TRA2A: variants seen among roughly 807,000 people sequenced by gnomAD.
TRA2A encodes transformer 2 alpha homolog.
A neutral mutation model predicts 45.7 loss-of-function variants in TRA2A; 31 were observed. That is an observed-to-expected ratio of 0.68 (90% CI 0.51 to 0.92). TRA2A has a LOEUF of 0.92. Among genes scored for constraint, TRA2A ranks in the 40% least tolerant of loss-of-function variants. TRA2A has a pLI of 0.00. For synonymous variants in TRA2A, 132 were observed against 126.2 expected (o/e 1.05, Z -0.31); for missense variants, 304 against 367.5 (o/e 0.83, Z 1.41).
chr7:23,516,195 C>G (rs10259241), intron 3 of TRA2A, among the ~76,000 whole-genome samples, 168 bp downstream of exon 3: 8 of 152,054 alleles, frequency 5.3e-5, no homozygotes, highest in Non-Finnish European at 1.2e-4. Flanking sequence ...GGTAAGCTTA[C>G]GAAAGATGGT....
In TRA2A at chr7:23,505,500, T is replaced by TA. The variant is rs777556731; in HGVS notation, c.*58dup. 24,075 of 346,932 alleles carry TA rather than the reference T, an allele frequency of 0.069. 63 individuals carry two copies. Among genetic ancestry groups the TA allele is most frequent in the African/African-American group, 0.1 (1,946 of 18,572 alleles). 21.5% of individuals were successfully genotyped at this position (346,932 alleles called of 1,614,324 possible). ...CCACAGCTTGGGGAAATCTCAGAAT[T>TA]AAAAAAAAAAAAAAAAAAAAGAGGA... On this transcript the variant is annotated 3_prime_UTR_variant, in exon 8 of 8. Coordinates refer to ENST00000297071, the MANE Select transcript of TRA2A (RefSeq NM_013293.5).
rs10238910 is a variant in TRA2A, at chr7:23,511,411, G to T, written c.525+1483C>A. The stretch of plus-strand genomic sequence containing the variant: ...AAAAAAAAAAAAAAAAAAAAAAAAA[G>T]AAAAGAAAAGAAAAGAAAAACACCC... On this transcript the variant is annotated intron_variant, in intron 4 of 7. Coordinates refer to ENST00000297071, the MANE Select transcript of TRA2A (RefSeq NM_013293.5). 6.3e-3 allele frequency among the ~76,000 whole-genome samples: 243 copies of T among 38,600 alleles called. 4 individuals are homozygous for T. Among genetic ancestry groups the T allele is most frequent in the South Asian group, 0.03 (32 of 1,074 alleles). The allele number at this position is 38,600 out of a possible 152,430, so 25.3% of individuals were successfully genotyped here. A position where few individuals can be genotyped will look rare whatever the true frequency, so the allele number is the denominator to read the frequency against.
intron 1 of TRA2A, chr7:23,522,369 TTTTATCTTGA>T: frequency 7.9e-7 from 1 of 1,268,526 alleles, no homozygotes; most frequent in Non-Finnish European, 1.0e-6. Flanking sequence ...ATTAGCCTTC[TTTTATCTTGA>T]TTTATCTTCC....
Position 23,511,382 on chromosome 7 carries a change from AAAAAAAAAAAAAAAAAAAAAAAAAAAAAG to A in TRA2A, c.525+1483_525+1511del, listed in dbSNP as rs1204979378. 1.7e-3 allele frequency among the ~76,000 whole-genome samples: 49 copies of A among 28,954 alleles called. 1 individual carries two copies. The highest frequency in any genetic ancestry group is 0.011 in the African/African-American group (42 of 3,780). The allele number at this position is 28,954 out of a possible 152,430, so 19.0% of individuals were successfully genotyped here. On this transcript the variant is annotated intron_variant, in intron 4 of 7. Coordinates refer to ENST00000297071, the MANE Select transcript of TRA2A (RefSeq NM_013293.5). Reference sequence around the variant, plus strand: ...CGAGACTCCATCTCAAAAAAAAAAAAAAAAAAAAAAAAAAAAAAAAAAAAAAAAGAAAAGAAAAGAAAAGAAAAACACCC... The same window carrying A: ...CGAGACTCCATCTCAAAAAAAAAAAAAAAAGAAAAGAAAAGAAAAACACCC...
chr7:23,512,173 C>T (rs555675041), intron 4 of TRA2A, among the ~76,000 whole-genome samples: 1 of 152,190 alleles, frequency 6.6e-6, no homozygotes, highest in African/African-American at 2.4e-5. Flanking sequence ...ATTGTTAACA[C>T]TGAGAGGCAG....
rs1442322388 is a variant in TRA2A at position 23,505,236 on chromosome 7, G to C, written c.*323C>G. 1 of 273,580 alleles carries C rather than the reference G, an allele frequency of 3.7e-6. No homozygotes were observed. Among genetic ancestry groups the C allele is most frequent in the Non-Finnish European group, 6.7e-6 (1 of 149,432 alleles). The allele number at this position is 273,580 out of a possible 1,614,324, so 16.9% of individuals were successfully genotyped here. ...TCTAACACAAAAGAAGCTTTAAAAA[G>C]ACAGTTTCTTTCCTTATTTGATTAG... On this transcript the variant is annotated 3_prime_UTR_variant, in exon 8 of 8. Transcript: ENST00000297071.
At chr7:23,520,683 AT>A (rs11346990) in intron 2 of TRA2A, among the ~76,000 whole-genome samples, 81,286 of 129,794 alleles carry the variant, frequency 0.63, 25,266 homozygotes, top group African/African-American at 0.68. Context: ...GCTGTTTTAA[AT>A]TTTTTTTTTT....
chr7:23,508,838 G>A (rs1021470145), intron 4 of TRA2A, among the ~76,000 whole-genome samples: 2 of 152,032 alleles, frequency 1.3e-5, no homozygotes, highest in African/African-American at 2.4e-5. Context: ...TGCCCAGGCT[G>A]GTCTCTTAAC....
chr7:23,520,002 C>A (rs1790060281), intron 2 of TRA2A, among the ~76,000 whole-genome samples: 1 of 152,142 alleles, frequency 6.6e-6, no homozygotes, highest in South Asian at 2.1e-4. Flanking sequence ...CCGAGGTGGG[C>A]GGATCACCTG....
chr7:23,512,900 T>C lies in TRA2A; in HGVS notation c.519A>G (p.Ser173=). The part of the protein sequence containing the change: ...AFVYFERIDD[S]KEAMERANGM... The stretch of plus-strand genomic sequence containing the variant: ...ATATAAAAGACAAATTTACCTCCTT[T>C]GAGTCATCTATTCTCTCAAAATACA... The change falls in exon 4 of 8, where the codon TCA becomes TCG. Residue 173 remains serine (S), a synonymous_variant. Transcript: ENST00000297071. The C allele has an allele frequency of 6.2e-7, 1 of 1,611,176 alleles. No individual in the cohort carries two copies. Among genetic ancestry groups the C allele is most frequent in the Admixed American group, 1.7e-5 (1 of 59,728 alleles).
chr7:23,521,655 G>A, intron 2 of TRA2A, 52 bp downstream of exon 2: 1 of 1,594,082 alleles, frequency 6.3e-7, no homozygotes, highest in South Asian at 1.1e-5. Flanking sequence ...CAACTGCTTT[G>A]TCCTCAAAAA....
intron 2 of TRA2A, among the ~76,000 whole-genome samples, chr7:23,519,994 G>A (rs910138471): frequency 2.6e-5 from 4 of 152,234 alleles, no homozygotes; most frequent in Admixed American, 6.5e-5. Flanking sequence ...TTGGGAGGCC[G>A]AGGTGGGCGG....
At chr7:23,516,744 A>G (rs1381965828) in intron 2 of TRA2A, among the ~76,000 whole-genome samples, 1 of 152,066 alleles carries the variant, frequency 6.6e-6, no homozygotes, top group Non-Finnish European at 1.5e-5. Flanking sequence ...CTAACCTTAC[A>G]AAAATGTTAA....
intron 7 of TRA2A, 59 bp downstream of exon 7, chr7:23,505,687 A>G: frequency 4.4e-6 from 5 of 1,139,666 alleles, no homozygotes; most frequent in African/African-American, 1.6e-5. Flanking sequence ...CTAATATTCT[A>G]AAGTAAGCCA....
chr7:23,530,805 T>C (rs1414498523), intron 1 of TRA2A, among the ~76,000 whole-genome samples: 1 of 152,182 alleles, frequency 6.6e-6, no homozygotes, highest in East Asian at 1.9e-4. Flanking sequence ...GCCTGTTAAT[T>C]TTCAGGTCAT....
intron 1 of TRA2A, among the ~76,000 whole-genome samples, chr7:23,525,785 G>A (rs1018185120): frequency 1.3e-5 from 2 of 152,066 alleles, no homozygotes; most frequent in Non-Finnish European, 2.9e-5. Context: ...TAGTAGAGAC[G>A]GGGTTTCACC....
In TRA2A at chr7:23,531,805, T is replaced by A; in HGVS notation, c.20A>T (p.Asn7Ile). MSDVEE[N>I]NFEGRESRSQ... ...TGTACTCACTCTGCCCTCGAAGTTG[T>A]TTTCCTCCACATCACTCATGTCGAC... The change falls in exon 1 of 8, where the codon AAC (asparagine) becomes ATC (isoleucine). Residue 7 changes from asparagine to isoleucine, a missense_variant. Asn to Ile is a moderately radical substitution (Grantham distance 149). Around this residue, in one of 3 missense-constraint regions of TRA2A, gnomAD observed 132 missense variants for 113.4 expected, o/e 1.16. Transcript: ENST00000297071. 6.2e-7 allele frequency: 1 copy of A among 1,613,770 alleles called. No homozygotes were observed. Among genetic ancestry groups the A allele is most frequent in the Non-Finnish European group, 8.5e-7 (1 of 1,180,032 alleles).
At position 23,505,584 on chromosome 7, in the gene TRA2A, GCAA is replaced by G; in HGVS notation, c.839-18_839-16del. On this transcript the variant is annotated splice_polypyrimidine_tract_variant and intron_variant, in intron 7 of 7. Coordinates refer to ENST00000297071, the MANE Select transcript of TRA2A (RefSeq NM_013293.5). ...TCAATAGCGTCCTAAAAGAGAAAAAGCAAAAAAAAAAAAAAAAAAAAAAAGTTA... is the reference window on the plus strand; with the variant it reads ...TCAATAGCGTCCTAAAAGAGAAAAAGAAAAAAAAAAAAAAAAAAAAAGTTA... The G allele has an allele frequency of 5.9e-6, 1 of 168,070 alleles. No individual in the cohort carries two copies. Among genetic ancestry groups the G allele is most frequent in the Non-Finnish European group, 9.6e-6 (1 of 104,662 alleles). The allele number at this position is 168,070 out of a possible 1,614,324, so 10.4% of individuals were successfully genotyped here.
intron 1 of TRA2A, among the ~76,000 whole-genome samples, chr7:23,527,704 C>T (rs1790395157): frequency 6.6e-6 from 1 of 152,212 alleles, no homozygotes; most frequent in African/African-American, 2.4e-5. Flanking sequence ...AATCCCTGGA[C>T]ATTCTTTCAG....
Sources: gnomAD v4.1 joint callset for allele counts (sites outside exome capture counted in the v4.1 genomes callset) on GRCh38, gnomAD v4.1.1 for gene constraint, gnomAD v4.1.1 regional missense constraint, MANE v1.5 for transcripts, NCBI Gene and HGNC (gene_info 2026-07-23, HGNC 2026-07-21) for gene names.